The following COG3 variants were observed in gnomAD, a reference collection of about 807,000 sequenced individuals.
COG3 encodes the protein component of oligomeric golgi complex 3, also known as conserved oligomeric Golgi complex subunit 3.
COG3 carries 32 observed loss-of-function variants against 114.1 expected under a neutral mutation model. The observed-to-expected ratio is 0.28, with a 90% CI of 0.21 to 0.38. The LOEUF (loss-of-function observed/expected upper bound fraction) is 0.38. Among genes scored for constraint, COG3 ranks in the 10% least tolerant of loss-of-function variants. The pLI, the probability that COG3 is intolerant of heterozygous loss-of-function variation, is 1.00. For synonymous variants in COG3, 352 were observed against 365.7 expected (o/e 0.96, Z 0.43); for missense variants, 813 against 973.2 (o/e 0.84, Z 2.19).
intron 22 of COG3, 168 bp downstream of exon 22, chr13:45,530,948 T>C: frequency 1.0e-6 from 1 of 983,518 alleles, no homozygotes; most frequent in Non-Finnish European, 1.2e-6. Context: ...CTCAAACTTT[T>C]GGGGGATAGT....
chr13:45,521,603 G>A (rs76933438), intron 19 of COG3, among the ~76,000 whole-genome samples: 10 of 129,060 alleles, frequency 7.7e-5, no homozygotes, highest in South Asian at 2.4e-4. Context: ...ACACACACAC[G>A]CAACCATTTC....
At chr13:45,513,374 C>CATATAATATATACATATAAATTATAT (rs1566265951) in intron 16 of COG3, among the ~76,000 whole-genome samples, 4 of 116,126 alleles carry the variant, frequency 3.4e-5, no homozygotes, top group Admixed American at 9.0e-5. Flanking sequence ...ATAAATTATA[C>CATATAATATATACATATAAATTATAT]ATATAATATA....
In COG3 at chr13:45,480,194, T is replaced by C; in HGVS notation, c.453T>C (p.Ala151=). 2 of 1,613,382 alleles carry C rather than the reference T, an allele frequency of 1.2e-6. No homozygotes were observed. Among genetic ancestry groups the C allele is most frequent in the Non-Finnish European group, 1.7e-6 (2 of 1,179,344 alleles). The change falls in exon 4 of 23, where the codon GCT becomes GCC. Residue 151 remains alanine, a synonymous_variant. Coordinates refer to ENST00000349995, the MANE Select transcript of COG3 (RefSeq NM_031431.4). ...CDAILNDVNS[A]LQHLESLQKQ... ...CTATATTGAATGATGTAAACAGTGC[T>C]CTTCAGCATCTGGAGTCTTTGCAGA... is the stretch of plus-strand genomic sequence containing the variant.
chr13:45,497,098 A>T (rs1202248913), intron 13 of COG3, among the ~76,000 whole-genome samples: 1 of 152,202 alleles, frequency 6.6e-6, no homozygotes, highest in East Asian at 1.9e-4. Flanking sequence ...AAGAAGGTTG[A>T]TAATGTAGAA....
At chr13:45,466,716 C>T (rs888852637) in intron 1 of COG3, 10 of 152,174 alleles carry the variant, frequency 6.6e-5, no homozygotes, top group Non-Finnish European at 1.3e-4. Context: ...GGGGGAGATA[C>T]ATATTCTACA....
intron 1 of COG3, among the ~76,000 whole-genome samples, chr13:45,469,549 T>C (rs1026740717): frequency 6.6e-6 from 1 of 152,140 alleles, no homozygotes; most frequent in African/African-American, 2.4e-5. Context: ...TTTGATAATC[T>C]AAAAAAGAGA....
intron 16 of COG3, among the ~76,000 whole-genome samples, chr13:45,514,407 C>T (rs936669865): frequency 5.3e-5 from 8 of 152,080 alleles, no homozygotes; most frequent in East Asian, 1.9e-4. Context: ...GTGATCCACC[C>T]GCCTTGGCCT....
Position 45,529,914 on chromosome 13 carries a change from T to C in COG3, c.2354T>C (p.Val785Ala). Residue 785 changes from valine to alanine, a missense_variant, in exon 21 of 23, where the codon GTG becomes GCG. Val to Ala is a moderately conservative substitution (Grantham distance 64). This residue lies in a region of COG3 where 389 missense variants were observed against 542.6 expected (regional missense o/e 0.72). Coordinates refer to ENST00000349995, the MANE Select transcript of COG3 (RefSeq NM_031431.4). Reference sequence around the variant, plus strand: ...ACCGAGTTCATCTTGTTTAAACCTGTGAGGGTGAGTATCAGATAACTCATT... The same window carrying C: ...ACCGAGTTCATCTTGTTTAAACCTGCGAGGGTGAGTATCAGATAACTCATT... ...KDTEFILFKP[V>A]RNNIQQVFQK... 1 of 1,606,894 alleles carries C rather than the reference T, an allele frequency of 6.2e-7. No homozygotes were observed. Among genetic ancestry groups the C allele is most frequent in the Non-Finnish European group, 8.5e-7 (1 of 1,177,836 alleles).
rs1426961080 is a variant in COG3 at position 45,519,085 on chromosome 13, C to A, written c.2145C>A (p.Phe715Leu). 1 of 1,614,042 alleles carries A rather than the reference C, an allele frequency of 6.2e-7. No homozygotes were observed. ...TKLFVEQLEE[F>L]MTKVSALKTM... ...TGTTTGTAGAACAGCTGGAGGAGTT[C>A]ATGACAAAGGTATAGACCTTGGTGC... is the stretch of plus-strand genomic sequence containing the variant. Residue 715 changes from phenylalanine (F) to leucine (L), a missense_variant, in exon 19 of 23, where the codon TTC (phenylalanine) becomes TTA (leucine). Transcript: ENST00000349995.
rs376532847 is a variant in COG3, at chr13:45,530,689, T to G, written c.2366T>G (p.Ile789Ser). The G allele has an allele frequency of 1.9e-6, 3 of 1,598,296 alleles. No individual in the cohort carries two copies. The highest frequency in any genetic ancestry group is 1.3e-5 in the African/African-American group (1 of 74,534). Residue 789 changes from isoleucine to serine, a missense_variant, in exon 22 of 23, where the codon ATT (isoleucine) becomes AGT (serine). Physicochemically the swap from Ile to Ser is moderately radical, Grantham distance 142 (BLOSUM62 -2). Transcript: ENST00000349995. ...FILFKPVRNN[I>S]QQVFQKFHAL... ...CCTCTCCTCCTTTCTAAGAATAATA[T>G]TCAGCAAGTCTTCCAGAAGTTCCAC...
At chr13:45,469,602 T>G (rs1035427031) in intron 1 of COG3, among the ~76,000 whole-genome samples, 2 of 152,200 alleles carry the variant, frequency 1.3e-5, no homozygotes, top group Admixed American at 6.5e-5. Context: ...GGAACAGATA[T>G]AGAGTTACTA....
chr13:45,474,153 T>C (rs75233415), intron 1 of COG3, among the ~76,000 whole-genome samples: 1 of 10,514 alleles, frequency 9.5e-5, no homozygotes, highest in African/African-American at 1.6e-4. Flanking sequence ...TTTTTACTCT[T>C]TTTTTTTTTT....
chr13:45,465,062 T>G lies in COG3; in HGVS notation c.26T>G (p.Leu9Arg), dbSNP rs1885042486. Residue 9 changes from leucine to arginine, a missense_variant, in exon 1 of 23, where the codon CTG becomes CGG. Physicochemically the swap from Leu to Arg is moderately radical, Grantham distance 102. Around this residue, in one of 2 missense-constraint regions of COG3, gnomAD observed 424 missense variants for 430.6 expected, o/e 0.98. Transcript: ENST00000349995. MAEAALLLLPEAAAERDAR... is the reference protein window; with the variant it reads MAEAALLLRPEAAAERDAR... Reference sequence around the variant, plus strand: ...ATGGCGGAGGCGGCGCTGTTGCTGCTGCCTGAGGCGGCGGCGGAGCGGGAC... The same window carrying G: ...ATGGCGGAGGCGGCGCTGTTGCTGCGGCCTGAGGCGGCGGCGGAGCGGGAC... 2 of 1,591,846 alleles carry G rather than the reference T, an allele frequency of 1.3e-6. No homozygotes were observed. Among genetic ancestry groups the G allele is most frequent in the African/African-American group, 1.3e-5 (1 of 74,420 alleles).
chr13:45,519,002 G>C lies in COG3; in HGVS notation c.2062G>C (p.Asp688His). The C allele has an allele frequency of 6.2e-7, 1 of 1,614,156 alleles. No homozygotes were observed. The highest frequency in any genetic ancestry group is 8.5e-7 in the Non-Finnish European group (1 of 1,180,004). The change falls in exon 19 of 23, where the codon GAC becomes CAC. Residue 688 changes from aspartate (D) to histidine (H), a missense_variant. By Grantham distance (81) the Asp-to-His change is moderately conservative. Transcript: ENST00000349995. Reference protein sequence around the residue: ...IREHYLDSKKDVDRHLKSACE... With the variant: ...IREHYLDSKKHVDRHLKSACE... ...AGAACATTATCTTGACTCTAAAAAA[G>C]ACGTAGACCGTCATCTGAAATCGGC...
chr13:45,511,760 A>G lies in COG3; in HGVS notation c.1720-5A>G. On this transcript the variant is annotated splice_region_variant and splice_polypyrimidine_tract_variant and intron_variant, in intron 15 of 22. Coordinates refer to ENST00000349995, the MANE Select transcript of COG3 (RefSeq NM_031431.4). The stretch of plus-strand genomic sequence containing the variant: ...CAGGCTGATTATTCTCTTTTATTCC[A>G]CCAGAGGGCAGTGTTCCAAGGATTA... 1 of 1,610,094 alleles carries G rather than the reference A, an allele frequency of 6.2e-7. No homozygotes were observed. The highest frequency in any genetic ancestry group is 8.5e-7 in the Non-Finnish European group (1 of 1,176,650).
At chr13:45,475,954 A>G (rs1417005998) in intron 1 of COG3, among the ~76,000 whole-genome samples, 2 of 148,744 alleles carry the variant, frequency 1.3e-5, no homozygotes, top group African/African-American at 5.0e-5. Context: ...ACAGAGCAAG[A>G]CCCTGTCACC....
Position 45,515,343 on chromosome 13 carries a change from G to T in COG3, c.1810-800G>T, listed in dbSNP as rs181676101. 1.2e-4 allele frequency among the ~76,000 whole-genome samples: 19 copies of T among 152,230 alleles called. No homozygotes were observed. In the East Asian group the frequency reaches 3.7e-3, roughly 29 times the overall value. ...TCCTTTAAAATTTATATTGCTTACTGAAAGATAACTTTATCTTTTCCTAAG... is the reference window on the plus strand; with the variant it reads ...TCCTTTAAAATTTATATTGCTTACTTAAAGATAACTTTATCTTTTCCTAAG... On this transcript the variant is annotated intron_variant, in intron 16 of 22. Transcript: ENST00000349995.
rs367892019 is a variant in COG3, at chr13:45,515,225, A to G, written c.1810-918A>G. On this transcript the variant is annotated intron_variant, in intron 16 of 22. Transcript: ENST00000349995. The stretch of plus-strand genomic sequence containing the variant: ...CCTGGTGCTCTGTGTTCCCGTATGC[A>G]GAGTGAGTTTCCATGACATAAGTCA... Among the ~76,000 whole-genome samples, 33 of 152,210 alleles carry G rather than the reference A, an allele frequency of 2.2e-4. 1 individual carries two copies. In the East Asian group the frequency reaches 4.8e-3, roughly 22 times the overall value.
chr13:45,496,420 T>G, intron 13 of COG3, 108 bp downstream of exon 13: 1 of 888,984 alleles, frequency 1.1e-6, no homozygotes, highest in Non-Finnish European at 1.4e-6. Flanking sequence ...GGGTTTCCCC[T>G]TGTTGCCCAG....
Sources: gnomAD v4.1 joint callset for allele counts (sites outside exome capture counted in the v4.1 genomes callset) on GRCh38, gnomAD v4.1.1 for gene constraint, gnomAD v4.1.1 regional missense constraint, MANE v1.5 for transcripts, NCBI Gene and HGNC (gene_info 2026-07-23, HGNC 2026-07-21) for gene names.